GTF2H1: variants seen among roughly 807,000 people sequenced by gnomAD.
GTF2H1 encodes BTF2 p62.
In GTF2H1, 16 loss-of-function variants were observed where a neutral mutation model predicts 71.2. The ratio of observed to expected loss-of-function variants is 0.22; its 90% CI spans 0.15 to 0.34. The LOEUF is 0.34. GTF2H1 is among the 10% of genes least tolerant of loss of function. GTF2H1 has a pLI of 1.00. For missense variants in GTF2H1, 498 were observed against 648.2 expected (o/e 0.77, Z 2.52); for synonymous variants, 215 against 219.0 (o/e 0.98, Z 0.16).
chr11:18,333,214 A>G lies in GTF2H1; in HGVS notation c.140A>G (p.Tyr47Cys). Residue 47 changes from tyrosine to cysteine, a missense_variant, in exon 2 of 15, where the codon TAT (tyrosine) becomes TGT (cysteine). Tyr to Cys is a radical substitution (Grantham distance 194, BLOSUM62 -2). This residue lies in a region of GTF2H1 where 216 missense variants were observed against 306.2 expected (regional missense o/e 0.71). Coordinates refer to ENST00000265963, the MANE Select transcript of GTF2H1 (RefSeq NM_005316.4). ...GATAGATTTACAATCAGCCATATGT[A>G]TGCAGATATTAAATGTAAGTCAGCT... Reference protein sequence around the residue: ...GKDRFTISHMYADIKCQKISP... With the variant: ...GKDRFTISHMCADIKCQKISP... 2 of 1,610,678 alleles carry G rather than the reference A, an allele frequency of 1.2e-6. No homozygotes were observed. The highest frequency in any genetic ancestry group is 1.7e-6 in the Non-Finnish European group (2 of 1,178,242).
intron 11 of GTF2H1, among the ~76,000 whole-genome samples, 178 bp from the exon 12 acceptor site, chr11:18,357,774 G>A (rs892097196): frequency 2.0e-5 from 3 of 151,976 alleles, no homozygotes; most frequent in Non-Finnish European, 4.4e-5. Context: ...CTTTCTACAC[G>A]GATTGTGTTT....
intron 14 of GTF2H1, among the ~76,000 whole-genome samples, chr11:18,364,519 T>C (rs74564423): frequency 0.033 from 5,036 of 152,180 alleles, 270 homozygotes; most frequent in African/African-American, 0.11. Flanking sequence ...AGTTTGAGAC[T>C]ATAGTAAACT....
chr11:18,353,086 G>T (rs140923616), intron 11 of GTF2H1, among the ~76,000 whole-genome samples: 14 of 152,110 alleles, frequency 9.2e-5, no homozygotes, highest in Non-Finnish European at 1.8e-4. Flanking sequence ...TTAACTGGGC[G>T]TGGTGGCACA....
intron 3 of GTF2H1, 112 bp from the exon 4 acceptor site, chr11:18,337,997 A>G (rs1036990682): frequency 1.5e-5 from 10 of 679,768 alleles, no homozygotes; most frequent in Admixed American, 2.6e-5. Context: ...AAACATCACA[A>G]AATAAAAGTT....
chr11:18,358,676 G>A (rs1421705037), intron 13 of GTF2H1, 36 bp downstream of exon 13: 2 of 1,254,146 alleles, frequency 1.6e-6, no homozygotes, highest in Non-Finnish European at 2.3e-6. Flanking sequence ...AGATAATTGT[G>A]GTAGTGACTT....
chr11:18,354,863 C>T (rs938387167), intron 11 of GTF2H1, among the ~76,000 whole-genome samples: 1 of 152,088 alleles, frequency 6.6e-6, no homozygotes, highest in Admixed American at 6.5e-5. Context: ...GGCTGAAGTG[C>T]AGTGGCATGA....
At chr11:18,347,551 C>G in intron 7 of GTF2H1, 37 bp from the exon 8 acceptor site, 1 of 1,481,586 alleles carries the variant, frequency 6.7e-7, no homozygotes, top group Non-Finnish European at 9.0e-7. Context: ...AAAAGCAGAA[C>G]CTTTTTAAAA....
chr11:18,326,336 A>G (rs1864763932), intron 1 of GTF2H1, among the ~76,000 whole-genome samples: 1 of 152,148 alleles, frequency 6.6e-6, no homozygotes, highest in Admixed American at 6.6e-5. Context: ...AGCCTGGCCA[A>G]CATGGCGAAA....
chr11:18,340,535 G>A (rs182996101), intron 5 of GTF2H1, among the ~76,000 whole-genome samples: 40 of 152,230 alleles, frequency 2.6e-4, no homozygotes, highest in African/African-American at 8.2e-4. Context: ...TGATCTGCCC[G>A]CCTCAGCCTC....
chr11:18,359,701 A>G (rs939246138), intron 13 of GTF2H1, among the ~76,000 whole-genome samples: 1 of 152,118 alleles, frequency 6.6e-6, no homozygotes, highest in African/African-American at 2.4e-5. Context: ...TTGAAAGACA[A>G]TAATTATTTT....
chr11:18,335,543 A>G (rs180807860), intron 2 of GTF2H1, among the ~76,000 whole-genome samples: 11 of 152,308 alleles, frequency 7.2e-5, no homozygotes, highest in African/African-American at 1.9e-4. Flanking sequence ...AAGAGTACCA[A>G]AGAAGGAAGC....
intron 10 of GTF2H1, 59 bp downstream of exon 10, chr11:18,352,028 C>A: frequency 1.2e-6 from 1 of 847,856 alleles, no homozygotes; most frequent in Non-Finnish European, 2.0e-6. Context: ...AAAATATATC[C>A]TACAAGTATA....
intron 14 of GTF2H1, 108 bp downstream of exon 14, chr11:18,360,815 T>C (rs1865678797): frequency 1.5e-6 from 1 of 663,026 alleles, no homozygotes; most frequent in South Asian, 1.8e-5. Flanking sequence ...TTCTTTTTTT[T>C]TTTTTTTTGA....
Position 18,358,622 on chromosome 11 carries a change from G to A in GTF2H1, c.1449G>A (p.Thr483=), listed in dbSNP as rs775040290. The A allele has an allele frequency of 5.0e-6, 8 of 1,598,630 alleles. No individual in the cohort carries two copies. The highest frequency in any genetic ancestry group is 3.3e-5 in the South Asian group (3 of 90,738). The part of the protein sequence containing the change: ...RHFWSCFPVN[T]PFLEEKVVKM... ...TCTGGTCCTGCTTTCCTGTTAATAC[G>A]CCATTCCTAGAAGAAAAGGTTAGAA... Residue 483 remains threonine, a synonymous_variant, in exon 13 of 15, where the codon ACG becomes ACA. Transcript: ENST00000265963.
intron 9 of GTF2H1, chr11:18,348,938 GTGCAATCTCAGCTCAC>G (rs1410051042): frequency 6.6e-5 from 10 of 152,120 alleles, no homozygotes; most frequent in African/African-American, 2.4e-4. Flanking sequence ...GAGTGCAGTG[GTGCAATCTCAGCTCAC>G]TGCAATCTCG....
At chr11:18,363,633 G>A (rs930940255) in intron 14 of GTF2H1, among the ~76,000 whole-genome samples, 11 of 152,294 alleles carry the variant, frequency 7.2e-5, no homozygotes, top group African/African-American at 2.6e-4. Flanking sequence ...AATATTCTAA[G>A]TGGGTTTTCT....
chr11:18,335,230 A>G (rs1864996902), intron 2 of GTF2H1, among the ~76,000 whole-genome samples: 1 of 152,218 alleles, frequency 6.6e-6, no homozygotes, highest in Non-Finnish European at 1.5e-5. Context: ...CAGAAAGCAT[A>G]TAGTGTCAGG....
At position 18,325,769 on chromosome 11, in the gene GTF2H1, C is replaced by G. The variant is rs1236496930; in HGVS notation, c.-16+3029C>G. On this transcript the variant is annotated intron_variant, in intron 1 of 14. Coordinates refer to ENST00000265963, the MANE Select transcript of GTF2H1 (RefSeq NM_005316.4). ...CAAGGTATATGAATTTAGATTCGGA[C>G]AAATACATTTTTAACTGCAAATAAA... Among the ~76,000 whole-genome samples, 3 of 152,116 alleles carry G rather than the reference C, an allele frequency of 2.0e-5. No homozygotes were observed. The East Asian group carries it at 5.8e-4, about 29-fold the overall frequency.
intron 10 of GTF2H1, 58 bp from the exon 11 acceptor site, chr11:18,352,271 C>A: frequency 1.2e-6 from 1 of 801,820 alleles, no homozygotes. Flanking sequence ...GTTGCAAAGA[C>A]AAATGTTGAG....
Sources: allele counts gnomAD v4.1 joint callset (sites outside exome capture counted in the v4.1 genomes callset), GRCh38; gene constraint gnomAD v4.1.1; regional missense constraint gnomAD v4.1.1; transcripts MANE v1.5; gene names NCBI Gene and HGNC (gene_info 2026-07-23, HGNC 2026-07-21).